Variants in NPHP4 observed in about 807,000 individuals in gnomAD.
NPHP4 encodes nephrocystin-4.
Under a neutral mutation model 155.8 loss-of-function variants are expected in NPHP4, and 151 were observed. The ratio of observed to expected loss-of-function variants is 0.97; its 90% CI spans 0.85 to 1.11. The LOEUF is 1.11. Ranked by LOEUF, NPHP4 falls within the 50% of genes least tolerant of loss-of-function variation. The pLI is 0.00. For synonymous variants in NPHP4, 845 were observed against 816.8 expected (o/e 1.03, Z -0.59); for missense variants, 1,956 against 1,925.7 (o/e 1.02, Z -0.29).
At chr1:5,962,950 C>T (rs1286268546) in intron 5 of NPHP4, among the ~76,000 whole-genome samples, 1 of 152,224 alleles carries the variant, frequency 6.6e-6, no homozygotes, top group Non-Finnish European at 1.5e-5. Context: ...ACAGGAAGTC[C>T]ACCACATCCC....
intron 2 of NPHP4, among the ~76,000 whole-genome samples, chr1:5,981,753 G>A (rs902381025): frequency 6.6e-6 from 1 of 151,940 alleles, no homozygotes; most frequent in African/African-American, 2.4e-5. Flanking sequence ...ATTGATCTTT[G>A]TAAATAAAAC....
intron 9 of NPHP4, among the ~76,000 whole-genome samples, chr1:5,936,716 C>T (rs941827653): frequency 2.0e-5 from 3 of 152,198 alleles, no homozygotes; most frequent in African/African-American, 4.8e-5. Flanking sequence ...CACGCAAAGC[C>T]GCTCACAGAA....
In NPHP4 at chr1:5,882,381, C is replaced by T. The variant is rs1195208764; in HGVS notation, c.2486-2142G>A. On this transcript the variant is annotated intron_variant, in intron 18 of 29. Coordinates refer to ENST00000378156, the MANE Select transcript of NPHP4 (RefSeq NM_015102.5). This position sits in a 1 kb window ranked among gnomAD's most constrained non-coding sequence, Gnocchi z 5.1. The stretch of plus-strand genomic sequence containing the variant: ...CTTACCCAGCCATCTCTCAGTGGTG[C>T]GCTTACCCAGCCATCTCTTTCCAGG... 3 of 152,720 alleles carry T rather than the reference C, an allele frequency of 2.0e-5. No individual in the cohort carries two copies. Among genetic ancestry groups the T allele is most frequent in the African/African-American group, 4.8e-5 (2 of 41,412 alleles). The allele number at this position is 152,720 out of a possible 1,614,324, so 9.5% of individuals were successfully genotyped here. A position where few individuals can be genotyped will look rare whatever the true frequency, so the allele number is the denominator to read the frequency against.
intron 3 of NPHP4, among the ~76,000 whole-genome samples, chr1:5,973,779 G>A (rs1653015046): frequency 1.3e-5 from 2 of 152,172 alleles, no homozygotes; most frequent in South Asian, 4.1e-4. Flanking sequence ...CAGGTTCCAA[G>A]ACTACGGCAG....
Position 5,933,236 on chromosome 1 carries a change from C to T in NPHP4, c.1213G>A (p.Val405Met), listed in dbSNP as rs1327815334. 1.2e-6 allele frequency: 2 copies of T among 1,613,870 alleles called. No individual in the cohort carries two copies. The highest frequency in any genetic ancestry group is 1.7e-6 in the Non-Finnish European group (2 of 1,179,808). The change falls in exon 10 of 30, where the codon GTG (valine) becomes ATG (methionine). Residue 405 changes from valine to methionine, a missense_variant. Coordinates refer to ENST00000378156, the MANE Select transcript of NPHP4 (RefSeq NM_015102.5). ...NPLLEADSGR[V>M]TLPLQGGIQP... ...ATCCCACCCTGCAGAGGCAGGGTCA[C>T]CCTTCCAGAATCAGCTTCCAGCAAG...
At chr1:5,961,978 T>G (rs1650421606) in intron 5 of NPHP4, 29 bp from the exon 6 acceptor site, 1 of 1,573,446 alleles carries the variant, frequency 6.4e-7, no homozygotes, top group South Asian at 1.1e-5. Context: ...TGTGATCAAC[T>G]GATAGCTGAA....
Position 5,879,844 on chromosome 1 carries a change from G to C in NPHP4, c.2611+270C>G, listed in dbSNP as rs535283304. Among the ~76,000 whole-genome samples, 951 of 91,396 alleles carry C rather than the reference G, an allele frequency of 0.01. 12 individuals carry two copies. The highest frequency in any genetic ancestry group is 0.096 in the Middle Eastern group (13 of 136). The allele number at this position is 91,396 out of a possible 152,430, so 60.0% of individuals were successfully genotyped here. A position where few individuals can be genotyped will look rare whatever the true frequency, so the allele number is the denominator to read the frequency against. On this transcript the variant is annotated intron_variant, in intron 19 of 29. Coordinates refer to ENST00000378156, the MANE Select transcript of NPHP4 (RefSeq NM_015102.5). ...ACACACACACACGCAAACACACACAGACACGCACACAGACACGCACACACA... is the reference window on the plus strand; with the variant it reads ...ACACACACACACGCAAACACACACACACACGCACACAGACACGCACACACA...
chr1:5,985,285 G>A (rs1044475891), intron 2 of NPHP4, among the ~76,000 whole-genome samples: 2 of 152,230 alleles, frequency 1.3e-5, no homozygotes, highest in South Asian at 2.1e-4. Context: ...TCCTTCTCAC[G>A]CATTCCCACC....
chr1:5,982,328 T>C (rs1309232269), intron 2 of NPHP4, among the ~76,000 whole-genome samples: 1 of 152,234 alleles, frequency 6.6e-6, no homozygotes, highest in Non-Finnish European at 1.5e-5. Context: ...TACCGTTGTG[T>C]TACAATTGCC....
At chr1:5,900,333 A>T (rs1193880733) in intron 16 of NPHP4, among the ~76,000 whole-genome samples, 1 of 152,254 alleles carries the variant, frequency 6.6e-6, no homozygotes, top group African/African-American at 2.4e-5. Context: ...AGGTGAATGG[A>T]AAAACAGGCT....
In NPHP4 at chr1:5,932,059, T is replaced by C. The variant is rs536478236; in HGVS notation, c.1302+1088A>G. 1.3e-4 allele frequency among the ~76,000 whole-genome samples: 19 copies of C among 151,190 alleles called. No individual in the cohort carries two copies. In the South Asian group the frequency reaches 3.8e-3, roughly 30 times the overall value. ...ACGCACTCCAGCCAGGGCAACAGAGTAAGACCCTGTCTCAAAAAAAAAAAA... is the reference window on the plus strand; with the variant it reads ...ACGCACTCCAGCCAGGGCAACAGAGCAAGACCCTGTCTCAAAAAAAAAAAA... On this transcript the variant is annotated intron_variant, in intron 10 of 29. Transcript: ENST00000378156.
At chr1:5,865,435 AGCCCCGGAGGACCAG>A in intron 26 of NPHP4, 162 bp from the exon 27 acceptor site, 1 of 601,396 alleles carries the variant, frequency 1.7e-6, no homozygotes, top group Non-Finnish European at 2.7e-6. Context: ...ACGCAGGGAA[AGCCCCGGAGGACCAG>A]GCCCCAGGAG....
At chr1:5,960,454 C>A (rs1313118949) in intron 6 of NPHP4, among the ~76,000 whole-genome samples, 1 of 152,116 alleles carries the variant, frequency 6.6e-6, no homozygotes, top group Non-Finnish European at 1.5e-5. Context: ...GGGACCTGCG[C>A]CGGAGCCGAG....
At chr1:5,989,179 GC>G (rs1655896558) in intron 1 of NPHP4, among the ~76,000 whole-genome samples, 1 of 152,062 alleles carries the variant, frequency 6.6e-6, no homozygotes, top group Admixed American at 6.6e-5. Flanking sequence ...GCCCACAACT[GC>G]CCACACCATG....
rs1349132502 is a variant in NPHP4 at position 5,887,424 on chromosome 1, C to G, written c.2347G>C (p.Glu783Gln). 1 of 1,613,320 alleles carries G rather than the reference C, an allele frequency of 6.2e-7. No homozygotes were observed. The highest frequency in any genetic ancestry group is 2.2e-5 in the East Asian group (1 of 44,876). Residue 783 changes from glutamate (E) to glutamine (Q), a missense_variant, in exon 18 of 30, where the codon GAG (glutamate) becomes CAG (glutamine). Glu to Gln is a conservative substitution (Grantham distance 29). Transcript: ENST00000378156. ...QGRPAVQASH[E>Q]LEVVATEYEQ... ...TATTCAGTTGCCACGACCTCAAGCT[C>G]GTGGGAGGCCTGCACAGCCGGCCGG... is the stretch of plus-strand genomic sequence containing the variant.
At chr1:5,948,278 C>T in intron 7 of NPHP4, 27 bp from the exon 8 acceptor site, 1 of 1,510,284 alleles carries the variant, frequency 6.6e-7, no homozygotes, top group Non-Finnish European at 8.9e-7. Context: ...AGGAATGAGC[C>T]CCGGCACAGA....
At chr1:5,937,142 G>A (rs892265764) in intron 9 of NPHP4, among the ~76,000 whole-genome samples, 13 of 152,122 alleles carry the variant, frequency 8.5e-5, no homozygotes, top group Admixed American at 1.3e-4. Context: ...TCCTCGGAAG[G>A]AGCTCGGCCC....
intron 28 of NPHP4, 110 bp from the exon 29 acceptor site, chr1:5,864,143 C>A: frequency 1.5e-6 from 2 of 1,317,510 alleles, no homozygotes; most frequent in Non-Finnish European, 2.1e-6. Flanking sequence ...GGGACCCCCA[C>A]AGAGATAAGA....
In NPHP4 at chr1:5,910,569, G is replaced by A. The variant is rs1234598904; in HGVS notation, c.1442-1356C>T. On this transcript the variant is annotated intron_variant, in intron 11 of 29. Coordinates refer to ENST00000378156, the MANE Select transcript of NPHP4 (RefSeq NM_015102.5). This position sits in a 1 kb window ranked among gnomAD's most constrained non-coding sequence, Gnocchi z 5.4. ...GCACAGAGCACAGGCCGGCACTTAC[G>A]GGACCTACGGACCAAGCACACAGCA... Among the ~76,000 whole-genome samples, 5 of 152,134 alleles carry A rather than the reference G, an allele frequency of 3.3e-5. No homozygotes were observed. Among genetic ancestry groups the A allele is most frequent in the South Asian group, 2.1e-4 (1 of 4,830 alleles).
Sources: gnomAD v4.1 joint callset for allele counts (sites outside exome capture counted in the v4.1 genomes callset) on GRCh38, gnomAD v4.1.1 for gene constraint, Gnocchi (gnomAD v3.1) non-coding constraint, MANE v1.5 for transcripts, NCBI Gene and HGNC (gene_info 2026-07-23, HGNC 2026-07-21) for gene names.